Variants in MOXD1 observed in about 807,000 individuals in gnomAD.
The protein encoded by MOXD1 is DBH-like monooxygenase protein 1.
Under a neutral mutation model 66.6 loss-of-function variants are expected in MOXD1, and 62 were observed. The observed-to-expected ratio is 0.93, with a 90% confidence interval of 0.76 to 1.15. MOXD1 has a LOEUF of 1.15. Among genes scored for constraint, MOXD1 ranks in the 50% most tolerant of loss-of-function variants. The pLI is 0.00. For missense variants in MOXD1, 847 were observed against 754.6 expected, an observed-to-expected ratio of 1.12 and a Z score of -1.44; for synonymous variants, 303 against 281.9, an observed-to-expected ratio of 1.07 and a Z score of -0.75.
chr6:132,316,302 C>A (rs1358113753), intron 9 of MOXD1, among the ~76,000 whole-genome samples: 1 of 151,976 alleles, frequency 6.6e-6, no homozygotes, highest in African/African-American at 2.4e-5. Context: ...TGTCTAATTT[C>A]AACCAAAAAT....
chr6:132,382,138 TATC>T (rs1776524334), intron 1 of MOXD1, among the ~76,000 whole-genome samples: 2 of 152,144 alleles, frequency 1.3e-5, no homozygotes, highest in Admixed American at 6.5e-5. Context: ...GTATTTAACA[TATC>T]ATATACACAT....
chr6:132,321,730 C>G (rs1449243936), intron 8 of MOXD1, among the ~76,000 whole-genome samples: 1 of 151,998 alleles, frequency 6.6e-6, no homozygotes, highest in Non-Finnish European at 1.5e-5. Context: ...TTGGAAAACC[C>G]CAGAGACATC....
rs1774928086 is a variant in MOXD1 at position 132,315,617 on chromosome 6, A to C, written c.1508+18T>G. The C allele has an allele frequency of 2.5e-6, 4 of 1,597,926 alleles. No homozygotes were observed. Among genetic ancestry groups the C allele is most frequent in the Non-Finnish European group, 3.4e-6 (4 of 1,174,038 alleles). ...TCTGAAATACGTTACCCCATCATAA[A>C]ATACATTTACTACTTACGTGACTGG... On this transcript the variant is annotated intron_variant, in intron 10 of 11. Coordinates refer to ENST00000367963, the MANE Select transcript of MOXD1 (RefSeq NM_015529.4).
At chr6:132,342,291 C>A (rs1420637796) in intron 4 of MOXD1, among the ~76,000 whole-genome samples, 2 of 152,160 alleles carry the variant, frequency 1.3e-5, no homozygotes, top group Non-Finnish European at 2.9e-5. Flanking sequence ...TGAGCCACCA[C>A]GCCTGGCCCA....
intron 4 of MOXD1, among the ~76,000 whole-genome samples, chr6:132,364,918 T>C (rs1207178676): frequency 1.3e-5 from 2 of 152,156 alleles, no homozygotes; most frequent in African/African-American, 2.4e-5. Context: ...TTCAAACCAG[T>C]TGCTCTGACC....
At position 132,374,745 on chromosome 6, in the gene MOXD1, T is replaced by C; in HGVS notation, c.297A>G (p.Lys99=). The change falls in exon 2 of 12, where the codon AAA becomes AAG. Residue 99 remains lysine (K), a synonymous_variant. Coordinates refer to ENST00000367963, the MANE Select transcript of MOXD1 (RefSeq NM_015529.4). ...GATGGTAATCTTGCTGAGCATCTTT[T>C]TTCAACTCTCTATTTGCATTTGTAA... is the stretch of plus-strand genomic sequence containing the variant. The part of the protein sequence containing the change: ...DYFTNANREL[K]KDAQQDYHLE... 1 of 1,613,946 alleles carries C rather than the reference T, an allele frequency of 6.2e-7. No homozygotes were observed. The highest frequency in any genetic ancestry group is 8.5e-7 in the Non-Finnish European group (1 of 1,179,870).
At chr6:132,383,782 G>C (rs1776557351) in intron 1 of MOXD1, among the ~76,000 whole-genome samples, 1 of 152,072 alleles carries the variant, frequency 6.6e-6, no homozygotes. Flanking sequence ...AAAAAATTTG[G>C]ATGATGGCTG....
chr6:132,396,749 A>G (rs539743094), intron 1 of MOXD1, among the ~76,000 whole-genome samples: 87 of 152,336 alleles, frequency 5.7e-4, no homozygotes, highest in African/African-American at 2.1e-3. Flanking sequence ...GAACAACAAT[A>G]CACTCACAAA....
At position 132,373,005 on chromosome 6, in the gene MOXD1, T is replaced by C; in HGVS notation, c.412-8A>G. On this transcript the variant is annotated splice_polypyrimidine_tract_variant and splice_region_variant and intron_variant, in intron 2 of 11. Transcript: ENST00000367963. ...CACTCTCACAGTGCTATCCTGGGGA[T>C]CAGACATGGGCATGATTAGGTCTCA... The C allele has an allele frequency of 6.2e-7, 1 of 1,608,104 alleles. No individual in the cohort carries two copies. The highest frequency in any genetic ancestry group is 8.5e-7 in the Non-Finnish European group (1 of 1,176,238).
intron 1 of MOXD1, among the ~76,000 whole-genome samples, chr6:132,384,812 C>T (rs1776592789): frequency 6.6e-6 from 1 of 152,170 alleles, no homozygotes; most frequent in Non-Finnish European, 1.5e-5. Flanking sequence ...AGATGAGGCC[C>T]TAAACACTGT....
intron 4 of MOXD1, among the ~76,000 whole-genome samples, chr6:132,328,806 G>A (rs921856651): frequency 6.6e-6 from 1 of 152,164 alleles, no homozygotes; most frequent in Non-Finnish European, 1.5e-5. Flanking sequence ...ACAAAGATGA[G>A]ATAACCATTT....
At chr6:132,385,264 T>G (rs1776602136) in intron 1 of MOXD1, among the ~76,000 whole-genome samples, 2 of 152,026 alleles carry the variant, frequency 1.3e-5, no homozygotes, top group African/African-American at 4.8e-5. Flanking sequence ...ACATGTAGAC[T>G]GTTCTTAGGT....
chr6:132,385,772 G>A (rs1055826379), intron 1 of MOXD1, among the ~76,000 whole-genome samples: 1 of 151,918 alleles, frequency 6.6e-6, no homozygotes, highest in South Asian at 2.1e-4. Context: ...GATTACAGGC[G>A]TGAGCCACTG....
intron 6 of MOXD1, among the ~76,000 whole-genome samples, chr6:132,324,500 C>T (rs1775146996): frequency 6.6e-6 from 1 of 152,150 alleles, no homozygotes; most frequent in South Asian, 2.1e-4. Context: ...AGTTCAATAA[C>T]ATTTACTTTG....
At chr6:132,383,780 T>G (rs1776557305) in intron 1 of MOXD1, among the ~76,000 whole-genome samples, 1 of 152,190 alleles carries the variant, frequency 6.6e-6, no homozygotes, top group South Asian at 2.1e-4. Context: ...TTAAAAAATT[T>G]GGATGATGGC....
Position 132,373,087 on chromosome 6 carries a change from T to C in MOXD1, c.412-90A>G, listed in dbSNP as rs1452216515. On this transcript the variant is annotated intron_variant, in intron 2 of 11. Coordinates refer to ENST00000367963, the MANE Select transcript of MOXD1 (RefSeq NM_015529.4). ...TTAAAGAACTCTATTGTAAACAAGA[T>C]ATAGAAGTGAAGAAAAGACAATAAT... The C allele has an allele frequency of 7.2e-6, 9 of 1,242,924 alleles. No individual in the cohort carries two copies. The Admixed American group carries it at 2.1e-4, about 30-fold the overall frequency. The allele number at this position is 1,242,924 out of a possible 1,614,324, so 77.0% of individuals were successfully genotyped here.
intron 2 of MOXD1, among the ~76,000 whole-genome samples, chr6:132,374,297 A>T (rs1046692076): frequency 6.6e-6 from 1 of 152,150 alleles, no homozygotes. Flanking sequence ...CTTGTGTAAT[A>T]CATTTCTTCA....
At chr6:132,341,051 A>G (rs1403993201) in intron 4 of MOXD1, among the ~76,000 whole-genome samples, 2 of 152,222 alleles carry the variant, frequency 1.3e-5, no homozygotes, top group Admixed American at 6.5e-5. Flanking sequence ...TATAGGAGTT[A>G]TAACAATAGT....
intron 1 of MOXD1, among the ~76,000 whole-genome samples, chr6:132,378,873 C>T (rs1253104918): frequency 2.3e-4 from 16 of 68,854 alleles, no homozygotes; most frequent in Non-Finnish European, 4.4e-4. Flanking sequence ...AGAACACTTC[C>T]TCTTTTTTTT....
Sources: allele counts gnomAD v4.1 joint callset (sites outside exome capture counted in the v4.1 genomes callset), GRCh38; gene constraint gnomAD v4.1.1; transcripts MANE v1.5; gene names NCBI Gene and HGNC (gene_info 2026-07-23, HGNC 2026-07-21).